HS3ST5: variants seen among roughly 807,000 people sequenced by gnomAD.
HS3ST5 encodes heparan sulfate glucosamine 3-O-sulfotransferase 5.
A neutral mutation model predicts 25.4 loss-of-function variants in HS3ST5; 10 were observed. The ratio of observed to expected loss-of-function variants is 0.39; its 90% CI spans 0.24 to 0.67. The LOEUF (loss-of-function observed/expected upper bound fraction) is 0.67. Ranked by LOEUF, HS3ST5 falls within the 30% of genes least tolerant of loss-of-function variation. The pLI is 0.44. For missense variants in HS3ST5, 324 were observed against 420.7 expected, an observed-to-expected ratio of 0.77 and a Z score of 2.01; for synonymous variants, 170 against 162.4, an observed-to-expected ratio of 1.05 and a Z score of -0.36.
chr6:114,121,510 C>CA (rs1262314552), intron 3 of HS3ST5, among the ~76,000 whole-genome samples: 1 of 151,984 alleles, frequency 6.6e-6, no homozygotes, highest in Non-Finnish European at 1.5e-5. Context: ...AATTACCTAA[C>CA]AAAAAAATTG....
intron 1 of HS3ST5, among the ~76,000 whole-genome samples, chr6:114,259,760 G>A (rs901586275): frequency 6.6e-6 from 1 of 152,144 alleles, no homozygotes; most frequent in African/African-American, 2.4e-5. Context: ...ATACAGAAGA[G>A]ATATAGATGT....
intron 3 of HS3ST5, among the ~76,000 whole-genome samples, chr6:114,107,309 T>C (rs571463434): frequency 6.6e-6 from 1 of 152,280 alleles, no homozygotes; most frequent in East Asian, 1.9e-4. Context: ...CCTTAGTAGA[T>C]GCTAAAAAAG....
chr6:114,325,377 G>C (rs538315532), intron 1 of HS3ST5, among the ~76,000 whole-genome samples: 1 of 152,274 alleles, frequency 6.6e-6, no homozygotes, highest in Non-Finnish European at 1.5e-5. Flanking sequence ...ATCAAAATTA[G>C]ATAACTTTCA....
At chr6:114,127,896 A>T (rs1027723323) in intron 3 of HS3ST5, among the ~76,000 whole-genome samples, 4 of 150,712 alleles carry the variant, frequency 2.7e-5, no homozygotes, top group Non-Finnish European at 4.4e-5. Context: ...AGAGAGAGAG[A>T]CATATGTATA....
intron 3 of HS3ST5, among the ~76,000 whole-genome samples, chr6:114,100,844 C>T (rs916324719): frequency 5.9e-5 from 9 of 152,144 alleles, no homozygotes. Context: ...CATTAGAAGG[C>T]TTATCACTCT....
At chr6:114,268,875 C>T (rs908413311) in intron 1 of HS3ST5, among the ~76,000 whole-genome samples, 1 of 152,108 alleles carries the variant, frequency 6.6e-6, no homozygotes, top group Non-Finnish European at 1.5e-5. Flanking sequence ...GCAGAGCTGA[C>T]CACAGAAGGT....
At chr6:114,238,781 A>G (rs9400704) in intron 1 of HS3ST5, among the ~76,000 whole-genome samples, 1 of 152,110 alleles carries the variant, frequency 6.6e-6, no homozygotes, top group African/African-American at 2.4e-5. Flanking sequence ...AAGAGAGAGG[A>G]CCAAGTTTGT....
chr6:114,261,252 AAGAC>A (rs1453814904), intron 1 of HS3ST5, among the ~76,000 whole-genome samples: 3 of 152,312 alleles, frequency 2.0e-5, no homozygotes, highest in South Asian at 4.1e-4. Flanking sequence ...GTTTTGGTAA[AAGAC>A]AGGAGATTTT....
rs184342834 is a variant in HS3ST5 at position 114,171,255 on chromosome 6, T to C, written c.-144-2793A>G. On this transcript the variant is annotated intron_variant, in intron 2 of 4. Coordinates refer to ENST00000312719, the MANE Select transcript of HS3ST5 (RefSeq NM_153612.4). ...TGATTTATAAGTGTGTAACAATCAGTGTGATAAAATTTCTTATGAGTCAGT... is the reference window on the plus strand; with the variant it reads ...TGATTTATAAGTGTGTAACAATCAGCGTGATAAAATTTCTTATGAGTCAGT... Among the ~76,000 whole-genome samples the C allele has an allele frequency of 7.7e-4, 118 of 152,288 alleles. 2 individuals carry two copies. The highest frequency in any genetic ancestry group is 2.7e-3 in the African/African-American group (114 of 41,562).
chr6:114,172,100 G>A (rs559817635), intron 2 of HS3ST5, among the ~76,000 whole-genome samples: 1 of 152,170 alleles, frequency 6.6e-6, no homozygotes, highest in South Asian at 2.1e-4. Flanking sequence ...ATAACCCTTG[G>A]GGCATTTTAA....
At chr6:114,106,901 C>A (rs950334202) in intron 3 of HS3ST5, among the ~76,000 whole-genome samples, 4 of 152,060 alleles carry the variant, frequency 2.6e-5, no homozygotes, top group Non-Finnish European at 4.4e-5. Context: ...TTTATCACAT[C>A]TCAGACTTTG....
intron 1 of HS3ST5, among the ~76,000 whole-genome samples, chr6:114,338,798 T>C (rs1376837605): frequency 6.6e-6 from 1 of 152,054 alleles, no homozygotes; most frequent in African/African-American, 2.4e-5. Context: ...AGAAAATATA[T>C]ACAAAAGGTT....
intron 1 of HS3ST5, among the ~76,000 whole-genome samples, chr6:114,319,223 C>T (rs1775867703): frequency 6.6e-6 from 1 of 152,102 alleles, no homozygotes; most frequent in Non-Finnish European, 1.5e-5. Flanking sequence ...TTAATTAATA[C>T]ATTTCTTTTG....
At chr6:114,211,222 CAT>C (rs1342707121) in intron 2 of HS3ST5, among the ~76,000 whole-genome samples, 2 of 152,178 alleles carry the variant, frequency 1.3e-5, no homozygotes, top group Non-Finnish European at 2.9e-5. Context: ...CAGAATCTTT[CAT>C]ATATGTTTTT....
intron 2 of HS3ST5, among the ~76,000 whole-genome samples, chr6:114,169,392 C>G (rs7751951): frequency 0.54 from 82,232 of 152,002 alleles, 22,647 homozygotes; most frequent in African/African-American, 0.63. Context: ...ACTGTGTCTC[C>G]TCTCTGATTA....
chr6:114,258,898 T>C (rs1391798303), intron 1 of HS3ST5, among the ~76,000 whole-genome samples: 1 of 152,082 alleles, frequency 6.6e-6, no homozygotes, highest in Non-Finnish European at 1.5e-5. Flanking sequence ...AATAAAGACA[T>C]GGAGTTTGAA....
intron 3 of HS3ST5, among the ~76,000 whole-genome samples, chr6:114,147,260 C>T (rs999087163): frequency 3.3e-5 from 5 of 152,178 alleles, no homozygotes; most frequent in African/African-American, 9.7e-5. Flanking sequence ...GGGGTACGAA[C>T]TCAGATGAGG....
intron 1 of HS3ST5, among the ~76,000 whole-genome samples, chr6:114,265,362 G>A (rs1174644457): frequency 6.6e-6 from 1 of 152,182 alleles, no homozygotes; most frequent in African/African-American, 2.4e-5. Flanking sequence ...AGGTAATGGT[G>A]CAGATCTTAA....
At chr6:114,124,084 C>T (rs901897876) in intron 3 of HS3ST5, among the ~76,000 whole-genome samples, 69 of 152,262 alleles carry the variant, frequency 4.5e-4, no homozygotes, top group Admixed American at 3.1e-3. Context: ...CCCGTGGTTT[C>T]AAGTTGCCTC....
Sources: gnomAD v4.1 joint callset for allele counts (sites outside exome capture counted in the v4.1 genomes callset) on GRCh38, gnomAD v4.1.1 for gene constraint, MANE v1.5 for transcripts, NCBI Gene and HGNC (gene_info 2026-07-23, HGNC 2026-07-21) for gene names.